TOX: variants seen among roughly 807,000 people sequenced by gnomAD.
The protein encoded by TOX is thymocyte selection associated high mobility group box, also known as thymocyte selection-associated high mobility group box protein TOX.
TOX carries 11 observed loss-of-function variants against 53.7 expected under a neutral mutation model. That is an observed-to-expected ratio of 0.20 (90% CI 0.13 to 0.34). The LOEUF is 0.34. Ranked by LOEUF, TOX falls within the 10% of genes least tolerant of loss-of-function variation. The pLI is 1.00. For synonymous variants in TOX, 225 were observed against 245.3 expected, an observed-to-expected ratio of 0.92 and a Z score of 0.77; for missense variants, 570 against 664.6, an observed-to-expected ratio of 0.86 and a Z score of 1.56.
chr8:58,962,181 C>T (rs117544133), intron 1 of TOX, among the ~76,000 whole-genome samples: 1,543 of 152,296 alleles, frequency 0.01, 12 homozygotes, highest in Non-Finnish European at 0.017. Context: ...CCAACATGTA[C>T]GCTAATTGAG....
chr8:58,820,091 A>T (rs1313607124), intron 6 of TOX, among the ~76,000 whole-genome samples: 1 of 152,114 alleles, frequency 6.6e-6, no homozygotes, highest in African/African-American at 2.4e-5. Context: ...GCAAATTCAG[A>T]CTCAATATTT....
intron 3 of TOX, among the ~76,000 whole-genome samples, chr8:58,870,153 AC>A (rs1027005925): frequency 6.6e-6 from 1 of 152,198 alleles, no homozygotes; most frequent in Non-Finnish European, 1.5e-5. Context: ...TTCATAAGTG[AC>A]ATAATTGTCT....
At chr8:59,018,846 G>A (rs528044526) in intron 1 of TOX, among the ~76,000 whole-genome samples, 8 of 152,026 alleles carry the variant, frequency 5.3e-5, no homozygotes, top group Non-Finnish European at 1.2e-4. Flanking sequence ...ATCCCACTAT[G>A]ACTACCCAGG....
chr8:58,875,024 C>T (rs1055178043), intron 3 of TOX, among the ~76,000 whole-genome samples: 1 of 152,218 alleles, frequency 6.6e-6, no homozygotes, highest in Non-Finnish European at 1.5e-5. Context: ...GATCTAAACA[C>T]TCAGGAGGAA....
chr8:58,847,405 T>C (rs1160301777), intron 4 of TOX, among the ~76,000 whole-genome samples: 2 of 151,956 alleles, frequency 1.3e-5, no homozygotes, highest in Non-Finnish European at 2.9e-5. Flanking sequence ...TATAAAATAT[T>C]TGAGATTAAA....
At chr8:59,013,622 G>A (rs1256990286) in intron 1 of TOX, among the ~76,000 whole-genome samples, 1 of 152,140 alleles carries the variant, frequency 6.6e-6, no homozygotes, top group African/African-American at 2.4e-5. Context: ...CGTTGGCCAG[G>A]CAGGTCTTGA....
At chr8:59,000,528 A>C (rs1417438141) in intron 1 of TOX, among the ~76,000 whole-genome samples, 1 of 152,166 alleles carries the variant, frequency 6.6e-6, no homozygotes, top group Non-Finnish European at 1.5e-5. Flanking sequence ...CTTTGAAATC[A>C]ACTGAATAGT....
intron 3 of TOX, among the ~76,000 whole-genome samples, chr8:58,856,647 C>T (rs1039003289): frequency 2.6e-5 from 4 of 152,130 alleles, no homozygotes; most frequent in Non-Finnish European, 4.4e-5. Context: ...TTTGTAGCTT[C>T]CTTTGCAGCT....
intron 3 of TOX, among the ~76,000 whole-genome samples, chr8:58,883,589 C>A (rs185804294): frequency 6.6e-6 from 1 of 152,252 alleles, no homozygotes; most frequent in South Asian, 2.1e-4. Flanking sequence ...AATAGTGTGA[C>A]AGCCTTGTAG....
chr8:59,115,130 C>T (rs1042209828), intron 1 of TOX, among the ~76,000 whole-genome samples: 3 of 151,990 alleles, frequency 2.0e-5, no homozygotes, highest in Admixed American at 6.5e-5. Flanking sequence ...TCTAAATCAA[C>T]CAAAGAAAGA....
intron 1 of TOX, among the ~76,000 whole-genome samples, chr8:59,009,492 C>T (rs1246951535): frequency 6.6e-6 from 1 of 152,132 alleles, no homozygotes; most frequent in Non-Finnish European, 1.5e-5. Flanking sequence ...CCTGCCTCAG[C>T]CTCCTGAGTA....
At chr8:58,885,726 G>A (rs1024394401) in intron 3 of TOX, among the ~76,000 whole-genome samples, 6 of 152,152 alleles carry the variant, frequency 3.9e-5, no homozygotes, top group Non-Finnish European at 8.8e-5. Context: ...AAGTGCTACA[G>A]ATTAGTCTGG....
intron 1 of TOX, among the ~76,000 whole-genome samples, chr8:58,977,329 C>G (rs1323723760): frequency 2.0e-5 from 3 of 152,180 alleles, no homozygotes; most frequent in Non-Finnish European, 4.4e-5. Context: ...TTATCTCAAC[C>G]TTTATAGAAT....
intron 1 of TOX, among the ~76,000 whole-genome samples, chr8:58,995,641 AG>A (rs1813547025): frequency 6.6e-6 from 1 of 152,244 alleles, no homozygotes. Context: ...TACACACAAA[AG>A]TGATTACCTC....
At chr8:58,842,363 T>C (rs1032354742) in intron 4 of TOX, among the ~76,000 whole-genome samples, 3 of 152,316 alleles carry the variant, frequency 2.0e-5, no homozygotes, top group Admixed American at 6.5e-5. Context: ...TTCTCTGTCA[T>C]ACATGTGCTC....
intron 6 of TOX, among the ~76,000 whole-genome samples, chr8:58,821,095 G>A (rs768014262): frequency 1.3e-5 from 2 of 152,052 alleles, no homozygotes; most frequent in Non-Finnish European, 2.9e-5. Flanking sequence ...GGTTCATAAA[G>A]ATCATTTCAA....
chr8:58,979,368 G>T (rs1813160017), intron 1 of TOX, among the ~76,000 whole-genome samples: 1 of 152,136 alleles, frequency 6.6e-6, no homozygotes, highest in Non-Finnish European at 1.5e-5. Flanking sequence ...CAGAACAAAG[G>T]AGAGTAGACA....
chr8:59,067,800 T>G (rs1257227048), intron 1 of TOX, among the ~76,000 whole-genome samples: 1 of 152,102 alleles, frequency 6.6e-6, no homozygotes, highest in African/African-American at 2.4e-5. Context: ...CCATTTTACC[T>G]ATTAATTTGC....
chr8:58,895,545 C>G (rs534219806), intron 3 of TOX, among the ~76,000 whole-genome samples: 1 of 152,312 alleles, frequency 6.6e-6, no homozygotes, highest in Non-Finnish European at 1.5e-5. Context: ...AGTGAATTCA[C>G]TGGATATGAA....
Sources: gnomAD v4.1 joint callset for allele counts (sites outside exome capture counted in the v4.1 genomes callset) on GRCh38, gnomAD v4.1.1 for gene constraint, MANE v1.5 for transcripts, NCBI Gene and HGNC (gene_info 2026-07-23, HGNC 2026-07-21) for gene names.